The following WDR27 variants were observed in gnomAD, a reference collection of about 807,000 sequenced individuals.
WDR27 encodes WD repeat domain 27.
WDR27 carries 100 observed loss-of-function variants against 114.4 expected under a neutral mutation model. The observed-to-expected ratio is 0.87, with a 90% CI of 0.74 to 1.03. The LOEUF (loss-of-function observed/expected upper bound fraction) is 1.03, where lower values mean the gene tolerates loss of function less well. Ranked by LOEUF, WDR27 falls within the 50% of genes least tolerant of loss-of-function variation. The pLI is 0.00. For missense variants in WDR27, 1,129 were observed against 1,092.9 expected, an observed-to-expected ratio of 1.03 and a Z score of -0.47; for synonymous variants, 449 against 423.1, an observed-to-expected ratio of 1.06 and a Z score of -0.75.
intron 25 of WDR27, among the ~76,000 whole-genome samples, chr6:169,523,108 AT>A (rs1267145640): frequency 6.6e-6 from 1 of 152,086 alleles, no homozygotes; most frequent in Non-Finnish European, 1.5e-5. Context: ...AAAAGAAAAC[AT>A]AACAACTGGG....
chr6:169,492,709 T>C (rs1014424688), intron 25 of WDR27, among the ~76,000 whole-genome samples: 3 of 151,768 alleles, frequency 2.0e-5, no homozygotes, highest in Admixed American at 1.3e-4. Context: ...GAATGGAACC[T>C]AGAAGGAAGA....
chr6:169,611,919 G>C (rs1276525253), intron 22 of WDR27, among the ~76,000 whole-genome samples: 1 of 152,100 alleles, frequency 6.6e-6, no homozygotes. Context: ...TGGATCACTT[G>C]AGGTCAGGAG....
rs1337312134 is a variant in WDR27 at position 169,462,939 on chromosome 6, AAACT to A, written c.2646-5309_2646-5306del. Among the ~76,000 whole-genome samples the A allele has an allele frequency of 3.2e-4, 49 of 152,350 alleles. 1 individual carries two copies. Among genetic ancestry groups the A allele is most frequent in the Admixed American group, 1.8e-3 (27 of 15,310 alleles). On this transcript the variant is annotated intron_variant, in intron 25 of 25. Transcript: ENST00000448612. ...TTTCATAATTTAAAAAACCCCCAAC[AAACT>A]AAGAATAGAAGGAAGTTACATCAAC...
chr6:169,486,855 T>G (rs746791336), intron 25 of WDR27, among the ~76,000 whole-genome samples: 2 of 152,210 alleles, frequency 1.3e-5, no homozygotes, highest in Non-Finnish European at 2.9e-5. Context: ...CCAGTTTCTT[T>G]ATTCATTGAC....
intron 25 of WDR27, among the ~76,000 whole-genome samples, chr6:169,469,503 A>G (rs570198932): frequency 6.6e-6 from 1 of 152,160 alleles, no homozygotes; most frequent in Non-Finnish European, 1.5e-5. Flanking sequence ...TGACTTGGAG[A>G]GTGGTCCCTC....
intron 25 of WDR27, among the ~76,000 whole-genome samples, chr6:169,497,833 C>T (rs1056418889): frequency 6.6e-6 from 1 of 152,120 alleles, no homozygotes; most frequent in Non-Finnish European, 1.5e-5. Context: ...CTGTGGAAAA[C>T]AGCATGGCAT....
intron 23 of WDR27, among the ~76,000 whole-genome samples, chr6:169,583,302 A>G (rs1468276865): frequency 4.0e-5 from 3 of 75,740 alleles, no homozygotes; most frequent in African/African-American, 2.8e-4. Flanking sequence ...AATTGAATGG[A>G]AAAAAAAAAA....
chr6:169,700,910 G>A (rs1057015745), intron 1 of WDR27, among the ~76,000 whole-genome samples: 4 of 152,166 alleles, frequency 2.6e-5, no homozygotes, highest in Non-Finnish European at 4.4e-5. Context: ...GTACATACAT[G>A]CACAGAACAA....
chr6:169,530,635 C>A (rs542012298), intron 25 of WDR27, among the ~76,000 whole-genome samples: 1 of 152,206 alleles, frequency 6.6e-6, no homozygotes, highest in Non-Finnish European at 1.5e-5. Context: ...GACTGCAACG[C>A]ATGGAGGTGG....
chr6:169,442,873 A>C, the WDR27 span, among the ~76,000 whole-genome samples: 11 of 151,980 alleles, frequency 7.2e-5, no homozygotes, highest in Admixed American at 1.3e-4. Flanking sequence ...GGCCACCACC[A>C]CCCCCACACA....
At chr6:169,626,427 T>A (rs1404126951) in intron 21 of WDR27, among the ~76,000 whole-genome samples, 2 of 152,136 alleles carry the variant, frequency 1.3e-5, no homozygotes, top group Non-Finnish European at 2.9e-5. Context: ...TCCTGCTGCC[T>A]TCTCTGGGCC....
At chr6:169,699,529 G>A (rs2128319532) in intron 1 of WDR27, among the ~76,000 whole-genome samples, 1 of 152,306 alleles carries the variant, frequency 6.6e-6, no homozygotes, top group African/African-American at 2.4e-5. Context: ...GAAGTATCAA[G>A]CAAAGAACAG....
chr6:169,696,686 G>A (rs1430040924), intron 1 of WDR27, among the ~76,000 whole-genome samples: 8 of 152,168 alleles, frequency 5.3e-5, no homozygotes, highest in African/African-American at 9.7e-5. Flanking sequence ...AGGCTGAGGC[G>A]GGTGGATCAC....
chr6:169,618,509 C>T (rs1040750399), intron 21 of WDR27, among the ~76,000 whole-genome samples: 25 of 150,422 alleles, frequency 1.7e-4, no homozygotes, highest in African/African-American at 6.1e-4. Context: ...GCATCTGGCA[C>T]TCTTGTTAAT....
At position 169,702,029 on chromosome 6, in the gene WDR27, T is replaced by A. The variant is rs1227792987; in HGVS notation, c.-486A>T. On this transcript the variant is annotated 5_prime_UTR_variant, in exon 1 of 26. Coordinates refer to ENST00000448612, the MANE Select transcript of WDR27 (RefSeq NM_182552.5). ...GCCGACCCACGCGAGCCGCTATGGT[T>A]ACTAGCCCGCCGCCCCTCGCGCCCA... The A allele has an allele frequency of 2.2e-6, 1 of 456,710 alleles. No homozygotes were observed. Among genetic ancestry groups the A allele is most frequent in the African/African-American group, 2.0e-5 (1 of 50,224 alleles). The allele number at this position is 456,710 out of a possible 1,614,324, so 28.3% of individuals were successfully genotyped here. A position where few individuals can be genotyped will look rare whatever the true frequency, so the allele number is the denominator to read the frequency against.
chr6:169,433,661 G>T, the WDR27 span, among the ~76,000 whole-genome samples: 1 of 152,324 alleles, frequency 6.6e-6, no homozygotes, highest in Middle Eastern at 3.4e-3. Flanking sequence ...TTGAGGAATT[G>T]TCACACTGTC....
At chr6:169,548,563 T>G (rs972707456) in intron 25 of WDR27, among the ~76,000 whole-genome samples, 32 of 152,116 alleles carry the variant, frequency 2.1e-4, no homozygotes, top group African/African-American at 7.2e-4. Context: ...CATAGAAATA[T>G]TTCATATTTC....
At chr6:169,455,978 T>C (rs1197596968), downstream of WDR27, among the ~76,000 whole-genome samples, 6 of 151,890 alleles carry the variant, frequency 4.0e-5, no homozygotes, top group Non-Finnish European at 8.8e-5. Context: ...ACATTTGACA[T>C]TGGAAAAATT....
chr6:169,483,485 C>A (rs1020782723), intron 25 of WDR27, among the ~76,000 whole-genome samples: 1 of 152,140 alleles, frequency 6.6e-6, no homozygotes, highest in Non-Finnish European at 1.5e-5. Flanking sequence ...GAATCTGAAC[C>A]AATAACAAGT....
Sources: gnomAD v4.1 joint callset for allele counts (sites outside exome capture counted in the v4.1 genomes callset) on GRCh38, gnomAD v4.1.1 for gene constraint, MANE v1.5 for transcripts, NCBI Gene and HGNC (gene_info 2026-07-23, HGNC 2026-07-21) for gene names.